The following EYS variants were observed in gnomAD, a reference collection of about 807,000 sequenced individuals.
EYS encodes the protein EGF-like photoreceptor maintenance factor, also known as protein eyes shut homolog.
Under a neutral mutation model 282.1 loss-of-function variants are expected in EYS, and 250 were observed. The ratio of observed to expected loss-of-function variants is 0.89; its 90% CI spans 0.80 to 0.98. EYS has a LOEUF of 0.98. Ranked by LOEUF, EYS falls within the 50% of genes least tolerant of loss-of-function variation. EYS has a pLI of 0.00. For missense variants in EYS, 4,016 were observed against 3,709.0 expected, an observed-to-expected ratio of 1.08 and a Z score of -2.15; for synonymous variants, 1,355 against 1,282.9, an observed-to-expected ratio of 1.06 and a Z score of -1.20.
chr6:65,497,153 T>C (rs1216833502), intron 2 of EYS, among the ~76,000 whole-genome samples: 1 of 152,036 alleles, frequency 6.6e-6, no homozygotes, highest in Non-Finnish European at 1.5e-5. Flanking sequence ...AAAAAATAAT[T>C]CAAACAAGTA....
Position 65,373,069 on chromosome 6 carries a change from T to C in EYS, c.1299+11317A>G, listed in dbSNP as rs78800699. Among the ~76,000 whole-genome samples, 3 of 152,264 alleles carry C rather than the reference T, an allele frequency of 2.0e-5. No homozygotes were observed. The East Asian group carries it at 5.8e-4, about 29-fold the overall frequency. ...GTTGGTTTATTTTCTTATAGCTTAT[T>C]TAATACACATCTGCACAAATACAAA... On this transcript the variant is annotated intron_variant, in intron 8 of 42. Transcript: ENST00000503581.
intron 29 of EYS, among the ~76,000 whole-genome samples, chr6:64,383,002 G>T (rs113083682): frequency 1.3e-5 from 2 of 152,260 alleles, no homozygotes; most frequent in Non-Finnish European, 2.9e-5. Flanking sequence ...GAAAGGCAAG[G>T]CCTGCCTGGG....
chr6:65,037,044 G>T (rs1772793182), intron 13 of EYS, among the ~76,000 whole-genome samples: 1 of 151,858 alleles, frequency 6.6e-6, no homozygotes, highest in South Asian at 2.1e-4. Flanking sequence ...TAATAGCAAA[G>T]TCATGGAATC....
At chr6:65,597,084 C>T (rs1361331479) in intron 2 of EYS, among the ~76,000 whole-genome samples, 2 of 151,958 alleles carry the variant, frequency 1.3e-5, no homozygotes, top group Non-Finnish European at 1.5e-5. Flanking sequence ...CCACTGCATC[C>T]CAAACTGGTA....
At chr6:64,168,063 C>A (rs944608130) in intron 31 of EYS, among the ~76,000 whole-genome samples, 1 of 152,258 alleles carries the variant, frequency 6.6e-6, no homozygotes, top group South Asian at 2.1e-4. Flanking sequence ...GAGATCGAGA[C>A]CATCCTGGCT....
In EYS at chr6:65,231,129, T is replaced by TTTTATATATATGTA. The variant is rs1188286287; in HGVS notation, c.2023+64733_2023+64734insTACATATATATAAA. On this transcript the variant is annotated intron_variant, in intron 12 of 42. Coordinates refer to ENST00000503581, the MANE Select transcript of EYS (RefSeq NM_001142800.2). ...TATATATGTATTTATATATATATAC[T>TTTTATATATATGTA]TTTATATATATACTTTTATATATAT... Among the ~76,000 whole-genome samples, 7 of 144,384 alleles carry TTTTATATATATGTA rather than the reference T, an allele frequency of 4.8e-5. No individual in the cohort carries two copies. In the South Asian group the frequency reaches 1.1e-3, roughly 22 times the overall value. The allele number at this position is 144,384 out of a possible 152,430, so 94.7% of individuals were successfully genotyped here. A position where few individuals can be genotyped will look rare whatever the true frequency, so the allele number is the denominator to read the frequency against.
chr6:65,424,134 A>G (rs747080527), intron 5 of EYS, among the ~76,000 whole-genome samples: 7 of 151,984 alleles, frequency 4.6e-5, no homozygotes, highest in Admixed American at 3.3e-4. Context: ...AAAGACTGCC[A>G]ACATTTTTCT....
At chr6:64,749,271 T>G (rs1242404539) in intron 22 of EYS, among the ~76,000 whole-genome samples, 1 of 152,208 alleles carries the variant, frequency 6.6e-6, no homozygotes, top group East Asian at 1.9e-4. Context: ...AGATTATACC[T>G]TTTGTACACC....
chr6:64,124,026 G>A (rs1773680130), intron 31 of EYS, among the ~76,000 whole-genome samples: 1 of 152,108 alleles, frequency 6.6e-6, no homozygotes, highest in African/African-American at 2.4e-5. Context: ...CCAGGATTTT[G>A]CTGGCTTAAA....
intron 36 of EYS, among the ~76,000 whole-genome samples, chr6:63,854,334 C>T (rs1772336523): frequency 6.6e-6 from 1 of 152,132 alleles, no homozygotes; most frequent in African/African-American, 2.4e-5. Flanking sequence ...AACCATCATT[C>T]TCAGCAAACT....
chr6:64,172,373 A>AC (rs569187346), intron 31 of EYS, among the ~76,000 whole-genome samples: 137 of 152,270 alleles, frequency 9.0e-4, no homozygotes, highest in African/African-American at 3.3e-3. Context: ...TTGACCAGAA[A>AC]CCCCAATTTT....
At chr6:65,111,020 G>A (rs552157785) in intron 12 of EYS, among the ~76,000 whole-genome samples, 28 of 151,972 alleles carry the variant, frequency 1.8e-4, no homozygotes, top group Non-Finnish European at 3.4e-4. Context: ...GATCACATTA[G>A]GAAAATATGG....
chr6:65,506,896 G>A (rs879812473), intron 2 of EYS, among the ~76,000 whole-genome samples: 4 of 152,052 alleles, frequency 2.6e-5, no homozygotes, highest in Non-Finnish European at 4.4e-5. Context: ...TGACATGACT[G>A]TTATTTCACC....
chr6:64,660,842 C>T (rs1768984436), intron 22 of EYS, among the ~76,000 whole-genome samples: 1 of 152,148 alleles, frequency 6.6e-6, no homozygotes, highest in East Asian at 1.9e-4. Flanking sequence ...AATGCCATCC[C>T]CATCAAGCTA....
Position 65,351,926 on chromosome 6 carries a change from A to G in EYS, c.1459+1532T>C, listed in dbSNP as rs914410612. 3.3e-5 allele frequency among the ~76,000 whole-genome samples: 5 copies of G among 151,792 alleles called. No homozygotes were observed. The East Asian group carries it at 5.8e-4, about 18-fold the overall frequency. On this transcript the variant is annotated intron_variant, in intron 9 of 42. Coordinates refer to ENST00000503581, the MANE Select transcript of EYS (RefSeq NM_001142800.2). ...AAACAACTGAACTGACACAATCCCT[A>G]AATAGTCCTGAGGTTAATTCCTCTA...
At chr6:65,328,748 A>C (rs1769694246) in intron 11 of EYS, among the ~76,000 whole-genome samples, 1 of 141,938 alleles carries the variant, frequency 7.0e-6, no homozygotes. Context: ...TATAATTATT[A>C]GTTTTTTATC....
At chr6:64,754,928 G>A (rs1198522060) in intron 22 of EYS, among the ~76,000 whole-genome samples, 2 of 152,092 alleles carry the variant, frequency 1.3e-5, no homozygotes, top group East Asian at 1.9e-4. Context: ...CACAATAATG[G>A]AAGTCTTTGC....
At chr6:65,233,992 G>C (rs548888255) in intron 12 of EYS, among the ~76,000 whole-genome samples, 1 of 152,224 alleles carries the variant, frequency 6.6e-6, no homozygotes, top group African/African-American at 2.4e-5. Flanking sequence ...GACATCCTGG[G>C]CTGTCTCTCT....
intron 40 of EYS, among the ~76,000 whole-genome samples, chr6:63,763,879 TATATATATATATA>T (rs1769714123): frequency 7.4e-6 from 1 of 135,058 alleles, no homozygotes; most frequent in Non-Finnish European, 1.6e-5. Flanking sequence ...GTTATATATA[TATATATATATATA>T]TATATATATT....
Sources: allele counts gnomAD v4.1 joint callset (sites outside exome capture counted in the v4.1 genomes callset), GRCh38; gene constraint gnomAD v4.1.1; transcripts MANE v1.5; gene names NCBI Gene and HGNC (gene_info 2026-07-23, HGNC 2026-07-21).